The following ARNT2 variants were observed in gnomAD, a reference collection of about 807,000 sequenced individuals.
The protein encoded by ARNT2 is ARNT protein 2.
In ARNT2, 36 loss-of-function variants were observed where a neutral mutation model predicts 91.7. That is an observed-to-expected ratio of 0.39 (90% CI 0.30 to 0.52). The LOEUF (loss-of-function observed/expected upper bound fraction) is 0.52, where lower values mean the gene tolerates loss of function less well. Ranked by LOEUF, ARNT2 falls within the 20% of genes least tolerant of loss-of-function variation. ARNT2 has a pLI of 0.72. For missense variants in ARNT2, 775 were observed against 939.3 expected, an observed-to-expected ratio of 0.83 and a Z score of 2.29; for synonymous variants, 365 against 347.1, an observed-to-expected ratio of 1.05 and a Z score of -0.57.
In ARNT2 at chr15:80,461,439, C is replaced by T. The variant is rs142906244; in HGVS notation, c.194+3463C>T. Among the ~76,000 whole-genome samples, 369 of 152,234 alleles carry T rather than the reference C, an allele frequency of 2.4e-3. 1 individual carries two copies. Among genetic ancestry groups the T allele is most frequent in the Non-Finnish European group, 3.0e-3 (204 of 68,022 alleles). The stretch of plus-strand genomic sequence containing the variant: ...GGAGTGAGAAGAGAATGGAGGAGGC[C>T]GGGGACGGGAAGTAGCAATGCGGTC... On this transcript the variant is annotated intron_variant, in intron 3 of 18. Transcript: ENST00000303329.
Position 80,419,267 on chromosome 15 carries a change from C to G in ARNT2, c.31+14721C>G, listed in dbSNP as rs539404140. Among the ~76,000 whole-genome samples, 4 of 152,290 alleles carry G rather than the reference C, an allele frequency of 2.6e-5. No individual in the cohort carries two copies. In the South Asian group the frequency reaches 8.3e-4, roughly 32 times the overall value. On this transcript the variant is annotated intron_variant, in intron 1 of 18. Coordinates refer to ENST00000303329, the MANE Select transcript of ARNT2 (RefSeq NM_014862.4). ...GCATTTCTAACAAGTTCCAGTGATG[C>G]TGGTACTGCTGGCCCAGATCCCCTT...
intron 8 of ARNT2, among the ~76,000 whole-genome samples, chr15:80,516,828 A>AATATATATGTATATATATAT (rs1897441370): frequency 1.3e-5 from 1 of 74,800 alleles, no homozygotes; most frequent in African/African-American, 4.7e-5. Flanking sequence ...TACAATTACA[A>AATATATATGTATATATATAT]ATATATATAT....
At chr15:80,566,742 C>CTCTT (rs1411186456) in intron 12 of ARNT2, among the ~76,000 whole-genome samples, 1 of 152,242 alleles carries the variant, frequency 6.6e-6, no homozygotes, top group Non-Finnish European at 1.5e-5. Flanking sequence ...TACCCAAACT[C>CTCTT]TGTCCAACCA....
intron 8 of ARNT2, among the ~76,000 whole-genome samples, chr15:80,535,728 G>GC: frequency 7.9e-6 from 1 of 127,102 alleles, no homozygotes; most frequent in Non-Finnish European, 1.8e-5. Context: ...CATCACACAG[G>GC]TTTTTTTTTT....
At chr15:80,477,647 C>G (rs900900256) in intron 5 of ARNT2, among the ~76,000 whole-genome samples, 3 of 152,146 alleles carry the variant, frequency 2.0e-5, no homozygotes, top group African/African-American at 7.2e-5. Flanking sequence ...TCTTTTGTGT[C>G]TCTGCCTCTT....
chr15:80,572,601 C>G (rs931148747), intron 12 of ARNT2, among the ~76,000 whole-genome samples: 1 of 152,090 alleles, frequency 6.6e-6, no homozygotes, highest in African/African-American at 2.4e-5. Flanking sequence ...TTCCCCACCA[C>G]CCAGTCCAGG....
chr15:80,522,654 AG>A (rs1379329632), intron 8 of ARNT2, among the ~76,000 whole-genome samples: 2 of 152,042 alleles, frequency 1.3e-5, no homozygotes, highest in African/African-American at 4.8e-5. Flanking sequence ...AACATAGAAA[AG>A]GTGTAATAAA....
At chr15:80,548,715 T>C (rs1012361820) in intron 8 of ARNT2, among the ~76,000 whole-genome samples, 1 of 152,102 alleles carries the variant, frequency 6.6e-6, no homozygotes, top group Non-Finnish European at 1.5e-5. Flanking sequence ...CAAGTATATA[T>C]GAGGAAAATT....
chr15:80,505,918 A>G (rs1195840146), intron 5 of ARNT2, among the ~76,000 whole-genome samples: 1 of 114,468 alleles, frequency 8.7e-6, no homozygotes. Context: ...ATGATTCCCA[A>G]CATTTGTTGT....
intron 5 of ARNT2, among the ~76,000 whole-genome samples, chr15:80,499,329 T>C (rs878869076): frequency 2.0e-5 from 3 of 152,140 alleles, no homozygotes; most frequent in Admixed American, 2.0e-4. Flanking sequence ...CTGTAACACA[T>C]GTAAAACGTT....
At chr15:80,509,023 AG>A (rs1240672004) in intron 6 of ARNT2, among the ~76,000 whole-genome samples, 1 of 152,198 alleles carries the variant, frequency 6.6e-6, no homozygotes, top group Non-Finnish European at 1.5e-5. Context: ...TGGGCTGTGG[AG>A]TTCATGAGGC....
At chr15:80,534,280 G>A (rs772755323) in intron 8 of ARNT2, among the ~76,000 whole-genome samples, 3 of 151,900 alleles carry the variant, frequency 2.0e-5, no homozygotes, top group Non-Finnish European at 4.4e-5. Context: ...TCTGCAAAGC[G>A]TAACTTTTTA....
chr15:80,417,471 C>T (rs1334437327), intron 1 of ARNT2, among the ~76,000 whole-genome samples: 8 of 152,050 alleles, frequency 5.3e-5, no homozygotes, highest in African/African-American at 1.2e-4. Context: ...AGAAACTTGC[C>T]GAATTTTCCA....
chr15:80,527,155 A>G (rs928186801), intron 8 of ARNT2, among the ~76,000 whole-genome samples: 39 of 152,206 alleles, frequency 2.6e-4, no homozygotes, highest in Admixed American at 5.9e-4. Flanking sequence ...TTTGTTCCAT[A>G]AATACTTTCT....
intron 8 of ARNT2, among the ~76,000 whole-genome samples, chr15:80,519,880 A>G (rs371176533): frequency 6.0e-5 from 5 of 82,812 alleles, no homozygotes; most frequent in Admixed American, 3.1e-4. Flanking sequence ...TTTTTTTTTT[A>G]CTAGAGATGG....
intron 5 of ARNT2, among the ~76,000 whole-genome samples, chr15:80,484,750 G>A (rs1364058518): frequency 2.6e-5 from 4 of 152,218 alleles, no homozygotes; most frequent in African/African-American, 9.7e-5. Flanking sequence ...CTGGCTGGAA[G>A]GCTGGCCTCC....
intron 5 of ARNT2, among the ~76,000 whole-genome samples, chr15:80,478,504 T>A (rs1896840369): frequency 6.6e-6 from 1 of 152,188 alleles, no homozygotes; most frequent in Non-Finnish European, 1.5e-5. Context: ...TCCTCCAAGA[T>A]GCCAGAGAAG....
intron 1 of ARNT2, among the ~76,000 whole-genome samples, chr15:80,435,583 C>G (rs1488383005): frequency 1.3e-5 from 2 of 152,158 alleles, no homozygotes; most frequent in Non-Finnish European, 2.9e-5. Context: ...AGCCCTCTCA[C>G]ATTCCTCTGG....
chr15:80,511,958 A>G (rs1036150669), intron 6 of ARNT2, among the ~76,000 whole-genome samples: 1 of 152,192 alleles, frequency 6.6e-6, no homozygotes, highest in Admixed American at 6.5e-5. Context: ...AGCAGGAGAT[A>G]TGGCATGTAG....
Sources: gnomAD v4.1 joint callset for allele counts (sites outside exome capture counted in the v4.1 genomes callset) on GRCh38, gnomAD v4.1.1 for gene constraint, MANE v1.5 for transcripts, NCBI Gene and HGNC (gene_info 2026-07-23, HGNC 2026-07-21) for gene names.